The following ATG4C variants were observed in gnomAD, a reference collection of about 807,000 sequenced individuals.
The protein encoded by ATG4C is cysteine protease ATG4C.
A neutral mutation model predicts 57.6 loss-of-function variants in ATG4C; 56 were observed. The ratio of observed to expected loss-of-function variants is 0.97; its 90% CI spans 0.78 to 1.21. ATG4C has a LOEUF of 1.21. Ranked by LOEUF, ATG4C falls within the 50% of genes most tolerant of loss-of-function variation. The pLI is 0.00. For missense variants in ATG4C, 595 were observed against 529.8 expected (o/e 1.12, Z -1.21); for synonymous variants, 157 against 174.1 (o/e 0.90, Z 0.78).
intron 1 of ATG4C, among the ~76,000 whole-genome samples, chr1:62,791,014 T>C (rs914459819): frequency 1.3e-5 from 2 of 152,236 alleles, no homozygotes; most frequent in Non-Finnish European, 2.9e-5. Flanking sequence ...TTTTGTTAAG[T>C]CCTTCTTTGT....
chr1:62,832,389 G>A (rs1572146263), intron 7 of ATG4C, among the ~76,000 whole-genome samples: 1 of 152,102 alleles, frequency 6.6e-6, no homozygotes, highest in Admixed American at 6.6e-5. Context: ...TCTGGAGGAT[G>A]GGAAATCTAA....
intron 1 of ATG4C, among the ~76,000 whole-genome samples, chr1:62,799,834 G>A (rs374997068): frequency 6.5e-4 from 97 of 150,280 alleles, no homozygotes; most frequent in East Asian, 6.0e-3. Flanking sequence ...ATAATCCCCC[G>A]TTGTGCTATC....
rs756364947 is a variant in ATG4C, at chr1:62,816,588, G to A, written c.174G>A (p.Thr58=). The A allele has an allele frequency of 6.2e-6, 10 of 1,607,028 alleles. No individual in the cohort carries two copies. Among genetic ancestry groups the A allele is most frequent in the Non-Finnish European group, 8.5e-6 (10 of 1,176,640 alleles). ...YHFKYEDEDK[T]LPAESGCTIE... is the part of the protein sequence containing the mutation. ...TTTATTTTTTAGATGAAGATAAAAC[G>A]TTACCTGCAGAGTCGGGATGTACAA... The change falls in exon 4 of 11, where the codon ACG becomes ACA. Residue 58 remains threonine (T), a synonymous_variant. Transcript: ENST00000317868.
rs1225505009 is a variant in ATG4C at position 62,816,722 on chromosome 1, T to C, written c.308T>C (p.Leu103Ser). Residue 103 changes from leucine (L) to serine (S), a missense_variant, in exon 4 of 11, where the codon TTG (leucine) becomes TCG (serine). Physicochemically the swap from Leu to Ser is moderately radical, Grantham distance 145. Transcript: ENST00000317868. Reference protein sequence around the residue: ...EEFPQIEGSALTTDCGWGCTL... With the variant: ...EEFPQIEGSASTTDCGWGCTL... ...TTCCCTCAAATAGAAGGCTCAGCTT[T>C]GACAACAGACTGTGGGTGGGGCTGC... is the stretch of plus-strand genomic sequence containing the variant. The C allele has an allele frequency of 6.2e-7, 1 of 1,613,806 alleles. No individual in the cohort carries two copies. Among genetic ancestry groups the C allele is most frequent in the African/African-American group, 1.3e-5 (1 of 74,932 alleles).
chr1:62,820,297 G>C (rs1665440242), intron 5 of ATG4C, among the ~76,000 whole-genome samples: 1 of 152,012 alleles, frequency 6.6e-6, no homozygotes, highest in Admixed American at 6.6e-5. Flanking sequence ...AGGCTTCACA[G>C]GTCTTGTAAA....
chr1:62,826,747 C>G (rs543647753), intron 6 of ATG4C, among the ~76,000 whole-genome samples: 124 of 142,276 alleles, frequency 8.7e-4, no homozygotes, highest in African/African-American at 2.7e-3. Flanking sequence ...CCCCCCTCCC[C>G]CTACCCCACA....
At chr1:62,804,582 T>C (rs912813236) in intron 2 of ATG4C, among the ~76,000 whole-genome samples, 1 of 152,242 alleles carries the variant, frequency 6.6e-6, no homozygotes, top group East Asian at 1.9e-4. Context: ...CCACACAAAA[T>C]AGACTGTAAA....
Position 62,845,306 on chromosome 1 carries a change from C to T in ATG4C, c.1209+3759C>T, listed in dbSNP as rs182236998. Among the ~76,000 whole-genome samples the T allele has an allele frequency of 5.1e-4, 78 of 152,106 alleles. No individual in the cohort carries two copies. The East Asian group carries it at 0.015, about 29-fold the overall frequency. ...CCAATCTCGTGGATATGAATAGTACCTCTTTGTAGTTTTAATTTATATTTC... is the reference window on the plus strand; with the variant it reads ...CCAATCTCGTGGATATGAATAGTACTTCTTTGTAGTTTTAATTTATATTTC... On this transcript the variant is annotated intron_variant, in intron 10 of 10. Transcript: ENST00000317868.
chr1:62,849,479 G>A (rs549808208), intron 10 of ATG4C, among the ~76,000 whole-genome samples: 3 of 151,528 alleles, frequency 2.0e-5, no homozygotes, highest in Non-Finnish European at 2.9e-5. Context: ...ATTGCTCTCA[G>A]ATGCTTTCCA....
At chr1:62,849,834 G>A (rs1451198879) in intron 10 of ATG4C, among the ~76,000 whole-genome samples, 2 of 151,804 alleles carry the variant, frequency 1.3e-5, no homozygotes, top group Non-Finnish European at 2.9e-5. Flanking sequence ...TTCTTGTGGT[G>A]GTTCTTGGTG....
At chr1:62,806,256 A>C (rs77621326) in intron 3 of ATG4C, among the ~76,000 whole-genome samples, 7,265 of 152,184 alleles carry the variant, frequency 0.048, 627 homozygotes, top group African/African-American at 0.17. Context: ...AATAAAGGGC[A>C]TATTTAGGAG....
intron 1 of ATG4C, among the ~76,000 whole-genome samples, chr1:62,784,567 C>G (rs1664019951): frequency 6.6e-6 from 1 of 152,156 alleles, no homozygotes; most frequent in Admixed American, 6.5e-5. Flanking sequence ...GACTCTTTCC[C>G]CTGATCTATC....
At chr1:62,829,281 T>G in intron 7 of ATG4C, 105 bp downstream of exon 7, 1 of 1,220,924 alleles carries the variant, frequency 8.2e-7, no homozygotes, top group Non-Finnish European at 1.2e-6. Flanking sequence ...GATTTTGTAG[T>G]TGTACGTTGT....
intron 3 of ATG4C, among the ~76,000 whole-genome samples, chr1:62,812,770 A>G (rs1210086314): frequency 6.6e-6 from 1 of 152,202 alleles, no homozygotes; most frequent in Non-Finnish European, 1.5e-5. Flanking sequence ...AATTTCAGCA[A>G]AGTCTCAGAA....
chr1:62,840,535 T>A (rs550750669), intron 9 of ATG4C, among the ~76,000 whole-genome samples: 1 of 152,360 alleles, frequency 6.6e-6, no homozygotes, highest in African/African-American at 2.4e-5. Flanking sequence ...CAGTGATTTT[T>A]AAGGACAGGC....
intron 1 of ATG4C, among the ~76,000 whole-genome samples, chr1:62,794,635 T>C (rs74076994): frequency 9.8e-4 from 150 of 152,324 alleles, no homozygotes; most frequent in African/African-American, 3.5e-3. Flanking sequence ...TGCCTACCCC[T>C]TAGCTCTGAA....
At chr1:62,842,286 T>G (rs1259854005) in intron 10 of ATG4C, among the ~76,000 whole-genome samples, 1 of 150,268 alleles carries the variant, frequency 6.7e-6, no homozygotes, top group Non-Finnish European at 1.5e-5. Flanking sequence ...AGACCAATAC[T>G]CGTCATTTTT....
intron 3 of ATG4C, among the ~76,000 whole-genome samples, chr1:62,815,081 T>TA (rs1665223161): frequency 6.8e-6 from 1 of 146,678 alleles, no homozygotes; most frequent in Admixed American, 6.8e-5. Context: ...TAAAAATAAA[T>TA]AAATAAATAA....
intron 1 of ATG4C, among the ~76,000 whole-genome samples, chr1:62,793,597 G>GAAAAAAAAA (rs746057232): frequency 3.4e-4 from 7 of 20,510 alleles, no homozygotes; most frequent in Admixed American, 6.1e-4. Context: ...ACCTTGTCTC[G>GAAAAAAAAA]AAAAAAAAAA....
Sources: allele counts gnomAD v4.1 joint callset (sites outside exome capture counted in the v4.1 genomes callset), GRCh38; gene constraint gnomAD v4.1.1; transcripts MANE v1.5; gene names NCBI Gene and HGNC (gene_info 2026-07-23, HGNC 2026-07-21).